SPINK5: variants seen among roughly 807,000 people sequenced by gnomAD.
SPINK5 encodes serine protease inhibitor Kazal-type 5.
A neutral mutation model predicts 151.8 loss-of-function variants in SPINK5; 125 were observed. The ratio of observed to expected loss-of-function variants is 0.82; its 90% CI spans 0.71 to 0.96. The LOEUF is 0.96. Ranked by LOEUF, SPINK5 falls within the 40% of genes least tolerant of loss-of-function variation. SPINK5 has a pLI of 0.00. For synonymous variants in SPINK5, 374 were observed against 395.3 expected (o/e 0.95, Z 0.64); for missense variants, 1,194 against 1,291.9 (o/e 0.92, Z 1.16).
chr5:148,093,507 T>C (rs543191576), intron 8 of SPINK5, among the ~76,000 whole-genome samples: 1 of 151,992 alleles, frequency 6.6e-6, no homozygotes, highest in African/African-American at 2.4e-5. Flanking sequence ...ACAAAAATTA[T>C]CCACAGATCC....
At chr5:148,093,355 G>T (rs1482092838) in intron 8 of SPINK5, among the ~76,000 whole-genome samples, 3 of 151,726 alleles carry the variant, frequency 2.0e-5, no homozygotes, top group Non-Finnish European at 2.9e-5. Flanking sequence ...TTTTTTTGGT[G>T]GGGGGAAGTC....
At chr5:148,111,455 A>T (rs543104526) in intron 18 of SPINK5, among the ~76,000 whole-genome samples, 5 of 152,298 alleles carry the variant, frequency 3.3e-5, no homozygotes, top group East Asian at 1.9e-4. Context: ...TATTTGGTGG[A>T]ACGGTATTAT....
chr5:148,078,004 C>T (rs1752928312), intron 4 of SPINK5, among the ~76,000 whole-genome samples: 1 of 150,894 alleles, frequency 6.6e-6, no homozygotes, highest in African/African-American at 2.4e-5. Flanking sequence ...ACATCCCAAT[C>T]AAAATGCAGA....
intron 2 of SPINK5, among the ~76,000 whole-genome samples, chr5:148,067,446 CT>C (rs34034156): frequency 2.5e-4 from 38 of 152,234 alleles, no homozygotes; most frequent in African/African-American, 9.1e-4. Context: ...CTCAGGATGA[CT>C]TTTGGTCTAA....
intron 26 of SPINK5, 71 bp downstream of exon 26, chr5:148,120,462 A>G: frequency 6.6e-7 from 1 of 1,515,796 alleles, no homozygotes; most frequent in Non-Finnish European, 9.0e-7. Context: ...TTCAACAAAT[A>G]TTTGTGAAAT....
At chr5:148,074,306 T>G (rs1752825383) in intron 4 of SPINK5, among the ~76,000 whole-genome samples, 1 of 151,924 alleles carries the variant, frequency 6.6e-6, no homozygotes, top group Non-Finnish European at 1.5e-5. Context: ...TTAACAAGTC[T>G]TGTTGGTACT....
In SPINK5 at chr5:148,070,292, A is replaced by G. The variant is rs1423001; in HGVS notation, c.82-31A>G. 0.67 allele frequency: 1,079,572 copies of G among 1,608,598 alleles called. 370,338 individuals are homozygous for G. Among genetic ancestry groups the G allele is most frequent in the African/African-American group, 0.93 (69,381 of 74,830 alleles). ...ATAAAGCTTGTTTTGATGTACTTTT[A>G]GCTAACACAACTTTTTTGGCATTAT... On this transcript the variant is annotated intron_variant, in intron 2 of 32. Coordinates refer to ENST00000256084, the MANE Select transcript of SPINK5 (RefSeq NM_006846.4).
At chr5:148,091,504 T>G (rs1753308493) in intron 8 of SPINK5, among the ~76,000 whole-genome samples, 1 of 151,838 alleles carries the variant, frequency 6.6e-6, no homozygotes, top group African/African-American at 2.4e-5. Flanking sequence ...ATAGAAAGTT[T>G]GTATAAACCA....
chr5:148,105,657 C>T (rs1753761935), intron 16 of SPINK5, among the ~76,000 whole-genome samples: 2 of 151,942 alleles, frequency 1.3e-5, no homozygotes, highest in Non-Finnish European at 2.9e-5. Flanking sequence ...GCTCTGTTGC[C>T]CAGGCTAGAG....
chr5:148,127,079 G>A lies in SPINK5; in HGVS notation c.2964G>A (p.Leu988=), dbSNP rs760791426. The A allele has an allele frequency of 5.0e-6, 8 of 1,609,402 alleles. No homozygotes were observed. In the Admixed American group the frequency reaches 1.3e-4, roughly 27 times the overall value. ...ACAGCCCAGACTCTTTCAGTTCTCT[G>A]GTAAGGAGGACTATTTCTGAAAAGC... ...EEDSPDSFSS[L]DSEMCKDYRV... is the part of the protein sequence containing the mutation. Residue 988 remains leucine (L), a splice_region_variant and synonymous_variant, in exon 30 of 33, where the codon CTG becomes CTA. Transcript: ENST00000256084.
intron 27 of SPINK5, among the ~76,000 whole-genome samples, chr5:148,124,183 T>G (rs928840069): frequency 6.6e-6 from 1 of 152,190 alleles, no homozygotes; most frequent in Non-Finnish European, 1.5e-5. Flanking sequence ...AAGAGGTAGC[T>G]TATCAGCTAG....
At chr5:148,078,194 T>C (rs567626691) in intron 4 of SPINK5, among the ~76,000 whole-genome samples, 103 of 151,182 alleles carry the variant, frequency 6.8e-4, no homozygotes, top group African/African-American at 2.5e-3. Context: ...TAGAGACAAA[T>C]AGGGATATTT....
At chr5:148,079,333 A>G (rs1438058753) in intron 4 of SPINK5, among the ~76,000 whole-genome samples, 1 of 151,194 alleles carries the variant, frequency 6.6e-6, no homozygotes, top group African/African-American at 2.4e-5. Context: ...AATTTCCATT[A>G]TATACTGAAA....
intron 1 of SPINK5, 109 bp from the exon 2 acceptor site, chr5:148,065,238 C>T (rs1752548086): frequency 2.4e-6 from 3 of 1,238,694 alleles, no homozygotes; most frequent in Middle Eastern, 2.5e-4. Flanking sequence ...TGCGGTTTTA[C>T]AACATATTGT....
In SPINK5 at chr5:148,119,997, C is replaced by A. The variant is rs768514228; in HGVS notation, c.2314-12C>A. On this transcript the variant is annotated splice_polypyrimidine_tract_variant and intron_variant, in intron 24 of 32. Coordinates refer to ENST00000256084, the MANE Select transcript of SPINK5 (RefSeq NM_006846.4). ...AAACAGCACTTCCAATATAATCTTCCCATCTTTTCAGGATACATGTGATGA... is the reference window on the plus strand; with the variant it reads ...AAACAGCACTTCCAATATAATCTTCACATCTTTTCAGGATACATGTGATGA... The A allele has an allele frequency of 6.2e-7, 1 of 1,613,448 alleles. No homozygotes were observed. Among genetic ancestry groups the A allele is most frequent in the Non-Finnish European group, 8.5e-7 (1 of 1,179,556 alleles).
rs547115168 is a variant in SPINK5 at position 148,120,047 on chromosome 5, A to G, written c.2352A>G (p.Gly784=). The G allele has an allele frequency of 2.5e-6, 4 of 1,614,052 alleles. No individual in the cohort carries two copies. In the African/African-American group the frequency reaches 4.0e-5, roughly 16 times the overall value. The stretch of plus-strand genomic sequence containing the variant: ...AGTTTAGAAGCCAAATGAAAAATGG[A>G]AAACTCATCTGCACTCGAGAAAGTG... ...CDEFRSQMKN[G]KLICTRESDP... Residue 784 remains glycine (G), a synonymous_variant, in exon 25 of 33, where the codon GGA becomes GGG. Coordinates refer to ENST00000256084, the MANE Select transcript of SPINK5 (RefSeq NM_006846.4).
chr5:148,091,318 T>A, intron 8 of SPINK5, 90 bp downstream of exon 8: 1 of 1,034,390 alleles, frequency 9.7e-7, no homozygotes, highest in Non-Finnish European at 1.5e-6. Flanking sequence ...AATAAAGTCA[T>A]TGTCTTTTAT....
Position 148,065,366 on chromosome 5 carries a change from A to G in SPINK5, c.75A>G (p.Glu25=). The part of the protein sequence containing the change: ...CLIQDAASKN[E]DQEMCHEFQA... ...TCCCAGATGCTGCCAGTAAGAATGA[A>G]GATCAGGTTAGTCCTGCTTTTTCTG... The change falls in exon 2 of 33, where the codon GAA becomes GAG. Residue 25 remains glutamate (E), a synonymous_variant. Transcript: ENST00000256084. 1.2e-6 allele frequency: 2 copies of G among 1,613,610 alleles called. No individual in the cohort carries two copies. The highest frequency in any genetic ancestry group is 1.7e-6 in the Non-Finnish European group (2 of 1,179,820).
At chr5:148,136,092 C>A (rs1754688218) in intron 32 of SPINK5, among the ~76,000 whole-genome samples, 1 of 152,018 alleles carries the variant, frequency 6.6e-6, no homozygotes, top group Non-Finnish European at 1.5e-5. Flanking sequence ...ATGTAGATAT[C>A]CTGACTTCAA....
Sources: allele counts gnomAD v4.1 joint callset (sites outside exome capture counted in the v4.1 genomes callset), GRCh38; gene constraint gnomAD v4.1.1; transcripts MANE v1.5; gene names NCBI Gene and HGNC (gene_info 2026-07-23, HGNC 2026-07-21).